CACNA2D3: variants seen among roughly 807,000 people sequenced by gnomAD.
The protein encoded by CACNA2D3 is calcium voltage-gated channel auxiliary subunit alpha2delta 3, also known as voltage-dependent calcium channel subunit alpha-2/delta-3.
CACNA2D3 carries 60 observed loss-of-function variants against 160.6 expected under a neutral mutation model. The ratio of observed to expected loss-of-function variants is 0.37; its 90% CI spans 0.30 to 0.46. The LOEUF (loss-of-function observed/expected upper bound fraction) is 0.46, where lower values mean the gene tolerates loss of function less well. Among genes scored for constraint, CACNA2D3 ranks in the 20% least tolerant of loss-of-function variants. CACNA2D3 has a pLI of 1.00. For synonymous variants in CACNA2D3, 558 were observed against 492.9 expected (o/e 1.13, Z -1.75); for missense variants, 1,205 against 1,365.0 (o/e 0.88, Z 1.85).
At chr3:55,054,012 C>G (rs1303789810) in intron 35 of CACNA2D3, among the ~76,000 whole-genome samples, 1 of 151,322 alleles carries the variant, frequency 6.6e-6, no homozygotes, top group Non-Finnish European at 1.5e-5. Flanking sequence ...TTTTATGATT[C>G]CATTTTTTTC....
At chr3:54,135,032 G>C (rs1277731495) in intron 2 of CACNA2D3, among the ~76,000 whole-genome samples, 1 of 152,224 alleles carries the variant, frequency 6.6e-6, no homozygotes, top group Non-Finnish European at 1.5e-5. Context: ...TCCATAAAGC[G>C]CTTGAGTGCC....
intron 2 of CACNA2D3, among the ~76,000 whole-genome samples, chr3:54,315,713 A>G (rs1176957034): frequency 6.6e-6 from 1 of 151,910 alleles, no homozygotes; most frequent in Non-Finnish European, 1.5e-5. Context: ...TAATAGGTGA[A>G]AAGCTTCTGG....
chr3:54,750,951 T>C (rs1483448099), intron 11 of CACNA2D3, among the ~76,000 whole-genome samples: 1 of 151,952 alleles, frequency 6.6e-6, no homozygotes, highest in Non-Finnish European at 1.5e-5. Context: ...TTTGTATTTT[T>C]AGTAGAGATG....
chr3:54,566,739 A>G (rs1702415405), intron 6 of CACNA2D3, among the ~76,000 whole-genome samples: 1 of 152,182 alleles, frequency 6.6e-6, no homozygotes, highest in Non-Finnish European at 1.5e-5. Flanking sequence ...TTGTTCCTGT[A>G]GAAGGCTTGG....
At chr3:54,451,435 C>T (rs979188464) in intron 4 of CACNA2D3, among the ~76,000 whole-genome samples, 29 of 151,632 alleles carry the variant, frequency 1.9e-4, no homozygotes, top group Admixed American at 1.9e-3. Context: ...TTTTTAAAAC[C>T]TTGTTAGTCT....
intron 3 of CACNA2D3, among the ~76,000 whole-genome samples, chr3:54,363,086 T>C (rs1316862992): frequency 3.3e-5 from 5 of 151,972 alleles, no homozygotes; most frequent in Admixed American, 6.6e-5. Context: ...TCCCAGCTAC[T>C]TGGGAGGCTG....
At chr3:54,413,349 C>T (rs1249125680) in intron 4 of CACNA2D3, among the ~76,000 whole-genome samples, 1 of 149,134 alleles carries the variant, frequency 6.7e-6, no homozygotes, top group Non-Finnish European at 1.5e-5. Flanking sequence ...GTTTGATTTT[C>T]AGTGTACTAC....
chr3:54,429,846 G>A (rs1389878649), intron 4 of CACNA2D3, among the ~76,000 whole-genome samples: 6 of 152,064 alleles, frequency 3.9e-5, no homozygotes, highest in African/African-American at 1.4e-4. Context: ...GCCTTCTATG[G>A]ATTTCATTAT....
chr3:54,287,021 A>G (rs1703046976), intron 2 of CACNA2D3, among the ~76,000 whole-genome samples: 1 of 152,154 alleles, frequency 6.6e-6, no homozygotes, highest in South Asian at 2.1e-4. Flanking sequence ...TGCATCAACT[A>G]AAGAGCAAAA....
At chr3:54,473,783 A>T (rs1700779349) in intron 4 of CACNA2D3, among the ~76,000 whole-genome samples, 2 of 152,252 alleles carry the variant, frequency 1.3e-5, no homozygotes, top group Admixed American at 1.3e-4. Context: ...ATATGAAAAA[A>T]AGCTCATCAT....
chr3:54,594,020 A>G (rs1451970943), intron 9 of CACNA2D3, among the ~76,000 whole-genome samples: 4 of 152,178 alleles, frequency 2.6e-5, no homozygotes, highest in African/African-American at 4.8e-5. Flanking sequence ...AAAATAACCA[A>G]TATACTACTG....
chr3:54,676,699 C>G (rs980060447), intron 11 of CACNA2D3, among the ~76,000 whole-genome samples: 1 of 152,046 alleles, frequency 6.6e-6, no homozygotes, highest in Non-Finnish European at 1.5e-5. Flanking sequence ...TCCTGAAGTT[C>G]GATTAGTTGG....
rs1699739571 is a variant in CACNA2D3 at position 54,879,368 on chromosome 3, A to G, written c.1801A>G (p.Thr601Ala). Reference protein sequence around the residue: ...VDKGKRVLVMTNDYYYTDIKG... With the variant: ...VDKGKRVLVMANDYYYTDIKG... ...AATCTAGAAACGGGTTTTGGTGATG[A>G]CAAATGACTACTATTATACAGACAT... is the stretch of plus-strand genomic sequence containing the variant. The change falls in exon 20 of 38, where the codon ACA (threonine) becomes GCA (alanine). Residue 601 changes from threonine to alanine, a missense_variant. Thr to Ala is a moderately conservative substitution (Grantham distance 58). This residue lies in a region of CACNA2D3 where 911 missense variants were observed against 1,002.2 expected (regional missense o/e 0.91). Coordinates refer to ENST00000474759, the MANE Select transcript of CACNA2D3 (RefSeq NM_018398.3). 6.2e-7 allele frequency: 1 copy of G among 1,608,280 alleles called. No individual in the cohort carries two copies. Among genetic ancestry groups the G allele is most frequent in the Non-Finnish European group, 8.5e-7 (1 of 1,177,984 alleles).
rs912987942 is a variant in CACNA2D3 at position 54,788,409 on chromosome 3, C to T, written c.1380+24058C>T. On this transcript the variant is annotated intron_variant, in intron 13 of 37. Transcript: ENST00000474759. ...GGGAAGATCTGTCAGGGCACCCAGA[C>T]ACCTTAGAGCCCCAAGTCTCTAGAT... Among the ~76,000 whole-genome samples, 10 of 152,324 alleles carry T rather than the reference C, an allele frequency of 6.6e-5. No individual in the cohort carries two copies. In the South Asian group the frequency reaches 1.9e-3, roughly 28 times the overall value.
intron 11 of CACNA2D3, among the ~76,000 whole-genome samples, chr3:54,698,588 G>A (rs1700708088): frequency 6.6e-6 from 1 of 152,026 alleles, no homozygotes; most frequent in Non-Finnish European, 1.5e-5. Flanking sequence ...CATTCGGAAG[G>A]GCAAGCGAGG....
intron 3 of CACNA2D3, among the ~76,000 whole-genome samples, chr3:54,375,717 A>T (rs1320185943): frequency 6.6e-6 from 1 of 152,090 alleles, no homozygotes; most frequent in Non-Finnish European, 1.5e-5. Context: ...TGCCATCAGA[A>T]TTGTTCTTAA....
At chr3:54,590,824 G>A (rs1179611292) in intron 9 of CACNA2D3, among the ~76,000 whole-genome samples, 4 of 152,104 alleles carry the variant, frequency 2.6e-5, no homozygotes, top group African/African-American at 9.7e-5. Context: ...ATAATCTGCA[G>A]TAGGTGAGAA....
chr3:54,833,752 A>G (rs374567753), intron 14 of CACNA2D3, among the ~76,000 whole-genome samples: 11 of 152,098 alleles, frequency 7.2e-5, no homozygotes, highest in African/African-American at 2.4e-4. Flanking sequence ...GGGACTGGGA[A>G]TGATGGAGCT....
chr3:54,748,143 A>G (rs1032292027), intron 11 of CACNA2D3, among the ~76,000 whole-genome samples: 8 of 152,118 alleles, frequency 5.3e-5, no homozygotes, highest in Admixed American at 1.3e-4. Flanking sequence ...AGCTTTCTTC[A>G]TTATTGAAGG....
Sources: gnomAD v4.1 joint callset for allele counts (sites outside exome capture counted in the v4.1 genomes callset) on GRCh38, gnomAD v4.1.1 for gene constraint, gnomAD v4.1.1 regional missense constraint, MANE v1.5 for transcripts, NCBI Gene and HGNC (gene_info 2026-07-23, HGNC 2026-07-21) for gene names.